Variants in TMEM131 observed in about 807,000 individuals in gnomAD.
The protein encoded by TMEM131 is transmembrane protein 131.
In TMEM131, 66 loss-of-function variants were observed where a neutral mutation model predicts 211.6. The observed-to-expected ratio is 0.31, with a 90% CI of 0.26 to 0.38. TMEM131 has a LOEUF of 0.38. Among genes scored for constraint, TMEM131 ranks in the 10% least tolerant of loss-of-function variants. TMEM131 has a pLI of 1.00. For missense variants in TMEM131, 2,036 were observed against 2,299.3 expected, an observed-to-expected ratio of 0.89 and a Z score of 2.34; for synonymous variants, 844 against 841.3, an observed-to-expected ratio of 1.00 and a Z score of -0.06.
chr2:97,943,549 C>T (rs1227894669), intron 1 of TMEM131, among the ~76,000 whole-genome samples: 3 of 152,168 alleles, frequency 2.0e-5, no homozygotes, highest in Non-Finnish European at 4.4e-5. Context: ...ATCTGGTATT[C>T]ATAAGCTAGA....
intron 4 of TMEM131, among the ~76,000 whole-genome samples, chr2:97,871,797 G>A (rs1674498817): frequency 6.6e-6 from 1 of 152,198 alleles, no homozygotes; most frequent in Non-Finnish European, 1.5e-5. Flanking sequence ...CTGGCCTCAT[G>A]TTAGTAAAAC....
chr2:97,935,594 T>C (rs1364116053), intron 1 of TMEM131, among the ~76,000 whole-genome samples: 1 of 152,182 alleles, frequency 6.6e-6, no homozygotes, highest in Non-Finnish European at 1.5e-5. Flanking sequence ...TCAATGTTAA[T>C]TCAATCAACT....
At chr2:97,773,546 C>T (rs1679567215) in intron 32 of TMEM131, among the ~76,000 whole-genome samples, 1 of 152,208 alleles carries the variant, frequency 6.6e-6, no homozygotes, top group African/African-American at 2.4e-5. Flanking sequence ...AGTACAGAAC[C>T]TGCCCCACGG....
At chr2:97,897,345 C>T (rs1404781326) in intron 3 of TMEM131, among the ~76,000 whole-genome samples, 1 of 152,042 alleles carries the variant, frequency 6.6e-6, no homozygotes, top group Non-Finnish European at 1.5e-5. Flanking sequence ...ACATCCTTGC[C>T]ACTTTCCCAA....
intron 18 of TMEM131, 147 bp downstream of exon 18, chr2:97,810,981 A>G: frequency 4.6e-6 from 3 of 648,904 alleles, no homozygotes; most frequent in Non-Finnish European, 8.2e-6. Flanking sequence ...AATATTCTAT[A>G]AACTATTCTC....
At chr2:97,824,010 G>T (rs1389882778) in intron 11 of TMEM131, among the ~76,000 whole-genome samples, 1 of 152,216 alleles carries the variant, frequency 6.6e-6, no homozygotes, top group Admixed American at 6.5e-5. Flanking sequence ...CGAGATCAGA[G>T]AAAGGCCACA....
At chr2:97,965,930 A>G (rs1160192924) in intron 1 of TMEM131, among the ~76,000 whole-genome samples, 1 of 152,050 alleles carries the variant, frequency 6.6e-6, no homozygotes, top group Non-Finnish European at 1.5e-5. Flanking sequence ...TTCCTGCTAG[A>G]GCTAAAAATT....
At chr2:97,945,613 G>C (rs1485389371) in intron 1 of TMEM131, among the ~76,000 whole-genome samples, 1 of 152,096 alleles carries the variant, frequency 6.6e-6, no homozygotes, top group East Asian at 1.9e-4. Flanking sequence ...TAAGCTTATA[G>C]TTCTTTCATG....
intron 1 of TMEM131, among the ~76,000 whole-genome samples, chr2:97,937,114 G>A (rs1573582498): frequency 1.3e-5 from 2 of 152,026 alleles, no homozygotes; most frequent in Admixed American, 6.6e-5. Context: ...CTTACTAGAA[G>A]ACTTTAAATA....
intron 4 of TMEM131, among the ~76,000 whole-genome samples, chr2:97,869,580 T>C (rs547296137): frequency 1.3e-5 from 2 of 152,310 alleles, no homozygotes; most frequent in South Asian, 4.1e-4. Context: ...ATTTTAGTCG[T>C]TGCGTGCTCA....
At chr2:97,763,646 C>G (rs1164122490) in intron 35 of TMEM131, 1 of 152,540 alleles carries the variant, frequency 6.6e-6, no homozygotes, top group Non-Finnish European at 1.5e-5. Context: ...TCCCTAGCCA[C>G]TTCCTCTGGC....
chr2:97,895,170 C>T (rs1313506059), intron 3 of TMEM131, among the ~76,000 whole-genome samples: 2 of 152,132 alleles, frequency 1.3e-5, no homozygotes, highest in East Asian at 1.9e-4. Flanking sequence ...TGATGGATTA[C>T]GTTTATTGAT....
intron 19 of TMEM131, among the ~76,000 whole-genome samples, chr2:97,808,770 G>T (rs944039155): frequency 9.2e-5 from 14 of 152,074 alleles, no homozygotes; most frequent in African/African-American, 3.4e-4. Context: ...CAGCAAGAGG[G>T]GTAATTTCAA....
At chr2:97,810,470 C>T (rs911432177) in intron 18 of TMEM131, among the ~76,000 whole-genome samples, 2 of 151,916 alleles carry the variant, frequency 1.3e-5, no homozygotes, top group South Asian at 2.1e-4. Flanking sequence ...TTTTTTTCCA[C>T]GTGGGAGTTG....
chr2:97,766,075 G>T (rs576168827), intron 35 of TMEM131, 39 bp downstream of exon 35: 1 of 1,609,276 alleles, frequency 6.2e-7, no homozygotes, highest in Non-Finnish European at 8.5e-7. Flanking sequence ...TGGATTGTGG[G>T]TAAGTGGAGC....
At chr2:97,778,789 C>T (rs751601878) in intron 31 of TMEM131, among the ~76,000 whole-genome samples, 5 of 152,158 alleles carry the variant, frequency 3.3e-5, no homozygotes, top group Non-Finnish European at 5.9e-5. Context: ...TGCCAGGCCC[C>T]ACCATGAACC....
intron 33 of TMEM131, among the ~76,000 whole-genome samples, chr2:97,769,498 T>A (rs1405692556): frequency 6.6e-6 from 1 of 152,156 alleles, no homozygotes; most frequent in East Asian, 1.9e-4. Context: ...CATGACCAGC[T>A]GTGGAGCAGG....
intron 4 of TMEM131, among the ~76,000 whole-genome samples, chr2:97,886,266 T>C (rs1675152676): frequency 1.3e-5 from 2 of 152,224 alleles, no homozygotes; most frequent in Admixed American, 1.3e-4. Context: ...GTATATTTTC[T>C]TATGATTGGG....
At chr2:97,927,821 C>A (rs1419796660) in intron 1 of TMEM131, among the ~76,000 whole-genome samples, 1 of 151,950 alleles carries the variant, frequency 6.6e-6, no homozygotes, top group Non-Finnish European at 1.5e-5. Flanking sequence ...TTGAAAATAT[C>A]AAAAGCATAT....
Sources: gnomAD v4.1 joint callset for allele counts (sites outside exome capture counted in the v4.1 genomes callset) on GRCh38, gnomAD v4.1.1 for gene constraint, MANE v1.5 for transcripts, NCBI Gene and HGNC (gene_info 2026-07-23, HGNC 2026-07-21) for gene names.